SULT1A2: variants seen among roughly 807,000 people sequenced by gnomAD.
The protein encoded by SULT1A2 is sulfotransferase 1A2.
In SULT1A2, 33 loss-of-function variants were observed where a neutral mutation model predicts 36.0. The ratio of observed to expected loss-of-function variants is 0.92; its 90% CI spans 0.69 to 1.22. SULT1A2 has a LOEUF of 1.22. Ranked by LOEUF, SULT1A2 falls within the 50% of genes most tolerant of loss-of-function variation. SULT1A2 has a pLI of 0.00. For synonymous variants in SULT1A2, 138 were observed against 144.5 expected (o/e 0.96, Z 0.32); for missense variants, 367 against 383.2 (o/e 0.96, Z 0.35).
intron 6 of SULT1A2, 37 bp downstream of exon 6, chr16:28,593,215 G>GGTGTCAC: frequency 6.2e-7 from 1 of 1,611,796 alleles, no homozygotes; most frequent in African/African-American, 1.3e-5. Context: ...CCTGCCCCCA[G>GGTGTCAC]GTGTCACGTG....
chr16:28,594,112 G>T (rs1450935887), intron 4 of SULT1A2, among the ~76,000 whole-genome samples: 1 of 149,498 alleles, frequency 6.7e-6, no homozygotes, highest in African/African-American at 2.4e-5. Flanking sequence ...TTTTTTGGGG[G>T]GGGGGACTCT....
intron 4 of SULT1A2, among the ~76,000 whole-genome samples, chr16:28,593,954 C>G (rs554897811): frequency 6.6e-6 from 1 of 152,138 alleles, no homozygotes; most frequent in South Asian, 2.1e-4. Flanking sequence ...CAGTCCCCCC[C>G]GTGGAAGATG....
At chr16:28,595,521 C>T in intron 3 of SULT1A2, 29 bp downstream of exon 3, 2 of 1,614,152 alleles carry the variant, frequency 1.2e-6, no homozygotes, top group Non-Finnish European at 1.7e-6. Context: ...TGTCTTCCTC[C>T]ACTCCCCTTG....
chr16:28,593,329 A>G lies in SULT1A2; in HGVS notation c.517T>C (p.Tyr173His), dbSNP rs547214638. Reference protein sequence around the residue: ...MAGEVSYGSWYQHVQEWWELS... With the variant: ...MAGEVSYGSWHQHVQEWWELS... ...TCCCACCACTCTTGCACGTGCTGGT[A>G]CCAGGACCCATAGGACACTGGAGAA... The change falls in exon 6 of 8, where the codon TAC becomes CAC. Residue 173 changes from tyrosine to histidine, a missense_variant. Tyr to His is a moderately conservative substitution (Grantham distance 83). Coordinates refer to ENST00000335715, the MANE Select transcript of SULT1A2 (RefSeq NM_001054.4). The G allele has an allele frequency of 6.2e-7, 1 of 1,614,158 alleles. No homozygotes were observed. The highest frequency in any genetic ancestry group is 1.1e-5 in the South Asian group (1 of 91,082).
rs143890679 is a variant in SULT1A2, at chr16:28,595,440, G to T, written c.299C>A (p.Pro100Gln). 6.2e-7 allele frequency: 1 copy of T among 1,613,946 alleles called. No homozygotes were observed. Among genetic ancestry groups the T allele is most frequent in the African/African-American group, 1.3e-5 (1 of 74,874 alleles). Reference protein sequence around the residue: ...PSGMETLKNTPAPRLLKTHLP... With the variant: ...PSGMETLKNTQAPRLLKTHLP... ...GTGTGTCTTCAGGAGTCGTGGGGCTGGTGTGTTTTTCAGAGTCTCCATCCC... is the reference window on the plus strand; with the variant it reads ...GTGTGTCTTCAGGAGTCGTGGGGCTTGTGTGTTTTTCAGAGTCTCCATCCC... The change falls in exon 4 of 8, where the codon CCA becomes CAA. Residue 100 changes from proline to glutamine, a missense_variant. Transcript: ENST00000335715.
chr16:28,593,159 GC>G, intron 6 of SULT1A2, 92 bp downstream of exon 6: 1 of 1,567,236 alleles, frequency 6.4e-7, no homozygotes, highest in Non-Finnish European at 8.7e-7. Context: ...TGGAGGGGCC[GC>G]CCAGGGAGGG....
chr16:28,596,108 G>A, intron 1 of SULT1A2, 174 bp from the exon 2 acceptor site: 8 of 1,462,262 alleles, frequency 5.5e-6, no homozygotes, highest in Non-Finnish European at 7.3e-6. Flanking sequence ...GGGCTCTAAT[G>A]TGGTGGTTCC....
At chr16:28,593,406 T>G in intron 5 of SULT1A2, 36 bp downstream of exon 5, 2 of 1,614,030 alleles carry the variant, frequency 1.2e-6, no homozygotes, top group Non-Finnish European at 1.7e-6. Context: ...CCACCACCCC[T>G]TAGCTCCACA....
chr16:28,593,787 C>T (rs566028106), intron 4 of SULT1A2, among the ~76,000 whole-genome samples: 36 of 152,284 alleles, frequency 2.4e-4, no homozygotes, highest in Non-Finnish European at 4.3e-4. Context: ...ATATAATCTG[C>T]ATCAATGCGT....
intron 4 of SULT1A2, among the ~76,000 whole-genome samples, chr16:28,594,799 A>C (rs373128994): frequency 1.1e-4 from 2 of 17,746 alleles, no homozygotes; most frequent in African/African-American, 3.9e-4. Context: ...TTTTTTTTTG[A>C]GACAGAGTTT....
intron 2 of SULT1A2, 37 bp from the exon 3 acceptor site, chr16:28,595,712 G>A (rs1458189052): frequency 6.2e-7 from 1 of 1,613,382 alleles, no homozygotes; most frequent in African/African-American, 1.3e-5. Context: ...AGCAGGCTGA[G>A]GTGAGCATGA....
intron 4 of SULT1A2, among the ~76,000 whole-genome samples, chr16:28,594,690 T>G (rs2047037501): frequency 6.7e-6 from 1 of 149,794 alleles, no homozygotes; most frequent in South Asian, 2.1e-4. Context: ...TAACCTTGGG[T>G]GATCTGCCCA....
chr16:28,595,646 TG>T lies in SULT1A2; in HGVS notation c.177del (p.Asp59GlufsTer2), dbSNP rs751197637. On this transcript the variant is annotated frameshift_variant, in exon 3 of 8. Transcript: ENST00000335715. LOFTEE classifies it high-confidence loss of function. Reference sequence around the variant, plus strand: ...TCCAGGTCACCGCCCTGGTAGATCATGTCCAGAATCTGGCTCACCCAGGTGG... The same window carrying T: ...TCCAGGTCACCGCCCTGGTAGATCATTCCAGAATCTGGCTCACCCAGGTGG... ...SGTTWVSQILDMIYQGGDLEK... is the reference protein window; with the variant it reads ...SGTTWVSQILXMIYQGGDLEK... 1.9e-6 allele frequency: 3 copies of T among 1,614,036 alleles called. No homozygotes were observed. The highest frequency in any genetic ancestry group is 2.7e-5 in the African/African-American group (2 of 74,934).
chr16:28,593,833 G>C (rs536888868), intron 4 of SULT1A2, among the ~76,000 whole-genome samples: 8 of 152,222 alleles, frequency 5.3e-5, no homozygotes, highest in South Asian at 2.1e-4. Context: ...GCTCCACCAG[G>C]CATGTTCCCA....
Position 28,595,692 on chromosome 16 carries a change from A to T in SULT1A2, c.149-17T>A. The T allele has an allele frequency of 6.2e-7, 1 of 1,613,756 alleles. No individual in the cohort carries two copies. Among genetic ancestry groups the T allele is most frequent in the Non-Finnish European group, 8.5e-7 (1 of 1,179,764 alleles). On this transcript the variant is annotated splice_polypyrimidine_tract_variant and intron_variant, in intron 2 of 7. Transcript: ENST00000335715. ...AGGTGGTGCCTGGAGAGGGAGGGAGATGGGAGGTGAGCAGGCTGAGGTGAG... is the reference window on the plus strand; with the variant it reads ...AGGTGGTGCCTGGAGAGGGAGGGAGTTGGGAGGTGAGCAGGCTGAGGTGAG...
intron 1 of SULT1A2, chr16:28,596,360 G>A: frequency 8.9e-7 from 1 of 1,124,630 alleles, no homozygotes; most frequent in South Asian, 2.0e-5. Flanking sequence ...CACCCAGTAG[G>A]CTCCTCTCCC....
intron 4 of SULT1A2, among the ~76,000 whole-genome samples, 169 bp from the exon 5 acceptor site, chr16:28,593,737 A>G (rs1160331795): frequency 6.6e-6 from 1 of 152,116 alleles, no homozygotes; most frequent in Non-Finnish European, 1.5e-5. Context: ...TCAAAAGCCA[A>G]AGTCCTGCCT....
chr16:28,593,989 G>A (rs761010385), intron 4 of SULT1A2, among the ~76,000 whole-genome samples: 20 of 151,836 alleles, frequency 1.3e-4, no homozygotes, highest in Non-Finnish European at 2.5e-4. Context: ...GAAGTGAGGC[G>A]ACTCTCCCAG....
At position 28,593,371 on chromosome 16, in the gene SULT1A2, G is replaced by A. The variant is rs368193261; in HGVS notation, c.500-25C>T. 6.8e-5 allele frequency: 110 copies of A among 1,614,010 alleles called. No homozygotes were observed. In the African/African-American group the frequency reaches 1.1e-3, roughly 15 times the overall value. ...ACTGGAGAAGCGGGCAGGGAGTGCC[G>A]ACACAGGGTTGCTGTGCGTTGTAGC... On this transcript the variant is annotated intron_variant, in intron 5 of 7. Transcript: ENST00000335715.
Sources: allele counts gnomAD v4.1 joint callset (sites outside exome capture counted in the v4.1 genomes callset), GRCh38; gene constraint gnomAD v4.1.1; transcripts MANE v1.5; gene names NCBI Gene and HGNC (gene_info 2026-07-23, HGNC 2026-07-21).